The following SPTBN1 variants were observed in gnomAD, a reference collection of about 807,000 sequenced individuals.
SPTBN1 encodes spectrin beta chain, non-erythrocytic 1.
Under a neutral mutation model 266.4 loss-of-function variants are expected in SPTBN1, and 32 were observed. The ratio of observed to expected loss-of-function variants is 0.12; its 90% confidence interval spans 0.09 to 0.16. The LOEUF (loss-of-function observed/expected upper bound fraction) is 0.16. SPTBN1 is among the 10% of genes least tolerant of loss of function. The pLI, the probability that SPTBN1 is intolerant of heterozygous loss-of-function variation, is 1.00. For synonymous variants in SPTBN1, 1,336 were observed against 1,162.2 expected (o/e 1.15, Z -3.04); for missense variants, 2,296 against 3,067.1 (o/e 0.75, Z 5.94).
chr2:54,670,925 A>G lies in SPTBN1; in HGVS notation c.*2356A>G. ...AGGCCGCACAGCCTGATGAGCTTCA[A>G]GCCTGGCAGGGTAAATAGTTTTTGG... On this transcript the variant is annotated 3_prime_UTR_variant, in exon 36 of 36. Transcript: ENST00000356805. 1 of 397,802 alleles carries G rather than the reference A, an allele frequency of 2.5e-6. No individual in the cohort carries two copies. The highest frequency in any genetic ancestry group is 4.4e-6 in the Non-Finnish European group (1 of 225,962). The allele number at this position is 397,802 out of a possible 1,614,324, so 24.6% of individuals were successfully genotyped here.
In SPTBN1 at chr2:54,558,790, G is replaced by C. The variant is rs922069931; in HGVS notation, c.148+32224G>C. 2.5e-6 allele frequency: 4 copies of C among 1,613,386 alleles called. No homozygotes were observed. The highest frequency in any genetic ancestry group is 2.2e-5 in the East Asian group (1 of 44,790). On this transcript the variant is annotated intron_variant, in intron 2 of 35. Transcript: ENST00000356805. The surrounding 1 kb of genome is among the most constrained non-coding windows in gnomAD (Gnocchi z 4.6). ...TTACGCCGGGCATAATGGAATTGCA[G>C]AGGACGTCTAGTATCTCCGGGCCGC...
intron 1 of SPTBN1, among the ~76,000 whole-genome samples, chr2:54,507,018 G>A (rs1216318888): frequency 1.3e-5 from 2 of 151,730 alleles, no homozygotes; most frequent in African/African-American, 4.9e-5. Context: ...TGGAATAGGC[G>A]GTGGAGTTAA....
intron 34 of SPTBN1, among the ~76,000 whole-genome samples, chr2:54,666,320 G>C (rs1009211068): frequency 1.3e-5 from 2 of 152,334 alleles, no homozygotes; most frequent in African/African-American, 4.8e-5. Flanking sequence ...AGCATTGAAG[G>C]ATAAGGAGCT....
chr2:54,571,807 TG>T (rs1674106185), intron 2 of SPTBN1, among the ~76,000 whole-genome samples: 1 of 152,358 alleles, frequency 6.6e-6, no homozygotes, highest in Non-Finnish European at 1.5e-5. Flanking sequence ...GTAATGCATA[TG>T]TTTTAAAGTG....
intron 4 of SPTBN1, among the ~76,000 whole-genome samples, chr2:54,614,895 CT>C (rs1344052982): frequency 1.3e-5 from 2 of 152,058 alleles, no homozygotes; most frequent in Non-Finnish European, 2.9e-5. Flanking sequence ...GAAGGGTAGG[CT>C]TTGTTTCCAT....
chr2:54,575,559 T>G (rs13399656), intron 2 of SPTBN1, among the ~76,000 whole-genome samples: 51,687 of 152,212 alleles, frequency 0.34, 11,422 homozygotes, highest in African/African-American at 0.64. Context: ...CTAAGGGCAT[T>G]TAACTTGAGC....
Position 54,572,890 on chromosome 2 carries a change from G to A in SPTBN1, c.149-26202G>A, listed in dbSNP as rs537821867. 4.6e-5 allele frequency among the ~76,000 whole-genome samples: 7 copies of A among 152,310 alleles called. No homozygotes were observed. The South Asian group carries it at 8.3e-4, about 18-fold the overall frequency. On this transcript the variant is annotated intron_variant, in intron 2 of 35. Coordinates refer to ENST00000356805, the MANE Select transcript of SPTBN1 (RefSeq NM_003128.3). ...GAAAGGGAGAGGGCTGGAGTTGAGG[G>A]AAGGGCACTAGAGCAGTGTGACCCA...
intron 2 of SPTBN1, among the ~76,000 whole-genome samples, chr2:54,571,408 T>C (rs1436010263): frequency 3.9e-5 from 6 of 152,158 alleles, no homozygotes; most frequent in Non-Finnish European, 1.5e-5. Context: ...GATGACGAGT[T>C]CACCGTTTGC....
In SPTBN1 at chr2:54,599,181, A is replaced by G. The variant is rs535498551; in HGVS notation, c.238A>G (p.Thr80Ala). Residue 80 changes from threonine to alanine, a missense_variant, in exon 3 of 36, where the codon ACT becomes GCT. Physicochemically the swap from Thr to Ala is moderately conservative, Grantham distance 58 (BLOSUM62 0). This residue lies in a region of SPTBN1 where 178 missense variants were observed against 375.7 expected (regional missense o/e 0.47). Transcript: ENST00000356805. The part of the protein sequence containing the change: ...RVSCRITDLY[T>A]DLRDGRMLIK... ...GTCCTGCCGGATCACAGACCTGTAC[A>G]CTGACCTTCGAGATGGACGGATGCT... 7.4e-6 allele frequency: 12 copies of G among 1,614,158 alleles called. 2 individuals are homozygous for G. In the South Asian group the frequency reaches 9.9e-5, roughly 13 times the overall value.
At chr2:54,639,402 G>T (rs1558457513) in intron 18 of SPTBN1, among the ~76,000 whole-genome samples, 5 of 152,164 alleles carry the variant, frequency 3.3e-5, no homozygotes, top group Admixed American at 2.6e-4. Context: ...CTGGGGGTAG[G>T]GGGTTCAATG....
In SPTBN1 at chr2:54,482,369, A is replaced by C. The variant is rs138299011; in HGVS notation, c.-48+25851A>C. The stretch of plus-strand genomic sequence containing the variant: ...ATCTCTACAGCAGGAAAAAAAAAAA[A>C]AGAAAAAATTAGAAACAATTAGAGA... On this transcript the variant is annotated intron_variant, in intron 1 of 35. Transcript: ENST00000356805. Among the ~76,000 whole-genome samples the C allele has an allele frequency of 4.7e-3, 719 of 152,024 alleles. 2 individuals carry two copies. The highest frequency in any genetic ancestry group is 0.017 in the African/African-American group (700 of 41,486).
chr2:54,459,017 C>G lies in SPTBN1; in HGVS notation c.-48+2499C>G, dbSNP rs190059696. ...ACTTTTTGTGCTGGTTGTGTAAAAT[C>G]GTGTTGCGTACAGATTTTTATGAAT... On this transcript the variant is annotated intron_variant, in intron 1 of 35. Transcript: ENST00000356805. 2.3e-3 allele frequency among the ~76,000 whole-genome samples: 347 copies of G among 152,274 alleles called. 3 individuals carry two copies. The highest frequency in any genetic ancestry group is 8.1e-3 in the African/African-American group (335 of 41,558).
At chr2:54,559,320 G>A (rs2104462679) in intron 2 of SPTBN1, among the ~76,000 whole-genome samples, 1 of 152,300 alleles carries the variant, frequency 6.6e-6, no homozygotes, top group South Asian at 2.1e-4. Flanking sequence ...ATAGCAAAGG[G>A]GAGGAGGGAG....
intron 33 of SPTBN1, 107 bp from the exon 34 acceptor site, chr2:54,665,808 C>T: frequency 7.5e-7 from 1 of 1,334,264 alleles, no homozygotes; most frequent in South Asian, 1.5e-5. Flanking sequence ...GGTGGGGTCA[C>T]ACTGTGTTGT....
chr2:54,616,451 G>A (rs1052990818), intron 5 of SPTBN1, among the ~76,000 whole-genome samples, 153 bp downstream of exon 5: 1 of 152,186 alleles, frequency 6.6e-6, no homozygotes, highest in African/African-American at 2.4e-5. Flanking sequence ...TTTTCAATTA[G>A]CTCTCAGAAT....
chr2:54,472,114 G>A (rs1047877554), intron 1 of SPTBN1, among the ~76,000 whole-genome samples: 2 of 128,926 alleles, frequency 1.6e-5, no homozygotes, highest in East Asian at 5.1e-4. Flanking sequence ...TGCAAGCTCC[G>A]CCTCCTGGGT....
chr2:54,657,130 A>G (rs938994468), intron 29 of SPTBN1, among the ~76,000 whole-genome samples: 9 of 152,220 alleles, frequency 5.9e-5, no homozygotes, highest in African/African-American at 1.9e-4. Context: ...CCTGGTTCTA[A>G]CCTACCTTCT....
Position 54,642,913 on chromosome 2 carries a change from A to T in SPTBN1, c.3859-70A>T, listed in dbSNP as rs184938912. ...GTATGCATAATATGACATAAACACA[A>T]CCCTTTCCAGGCGGAAAAAAGGCTG... On this transcript the variant is annotated intron_variant, in intron 18 of 35. Transcript: ENST00000356805. The T allele has an allele frequency of 4.5e-6, 7 of 1,561,552 alleles. No individual in the cohort carries two copies. In the Admixed American group the frequency reaches 1.1e-4, roughly 25 times the overall value.
chr2:54,518,557 T>C (rs1030601140), intron 1 of SPTBN1, among the ~76,000 whole-genome samples: 3 of 152,074 alleles, frequency 2.0e-5, no homozygotes, highest in African/African-American at 7.2e-5. Context: ...CGATTTGCAG[T>C]TTGGTGCCTT....
Sources: gnomAD v4.1 joint callset for allele counts (sites outside exome capture counted in the v4.1 genomes callset) on GRCh38, gnomAD v4.1.1 for gene constraint, gnomAD v4.1.1 regional missense constraint, Gnocchi (gnomAD v3.1) non-coding constraint, MANE v1.5 for transcripts, NCBI Gene and HGNC (gene_info 2026-07-23, HGNC 2026-07-21) for gene names.